The following DNAJC1 variants were observed in gnomAD, a reference collection of about 807,000 sequenced individuals.
DNAJC1 encodes DnaJ heat shock protein family (Hsp40) member C1.
In DNAJC1, 58 loss-of-function variants were observed where a neutral mutation model predicts 76.6. The ratio of observed to expected loss-of-function variants is 0.76; its 90% CI spans 0.61 to 0.94. DNAJC1 has a LOEUF of 0.94. Ranked by LOEUF, DNAJC1 falls within the 40% of genes least tolerant of loss-of-function variation. DNAJC1 has a pLI of 0.00. For synonymous variants in DNAJC1, 258 were observed against 267.9 expected (o/e 0.96, Z 0.36); for missense variants, 689 against 677.3 (o/e 1.02, Z -0.19).
intron 8 of DNAJC1, among the ~76,000 whole-genome samples, chr10:21,877,691 C>A (rs1229955334): frequency 6.6e-6 from 1 of 152,104 alleles, no homozygotes; most frequent in East Asian, 1.9e-4. Flanking sequence ...TATAGAGTAC[C>A]TGGAATATTC....
At chr10:21,810,707 G>C (rs1351071330) in intron 8 of DNAJC1, among the ~76,000 whole-genome samples, 1 of 152,138 alleles carries the variant, frequency 6.6e-6, no homozygotes, top group Non-Finnish European at 1.5e-5. Context: ...TAGAAAAGGG[G>C]TGATTATCCC....
chr10:21,811,188 C>A (rs576462235), intron 8 of DNAJC1, among the ~76,000 whole-genome samples: 17 of 152,188 alleles, frequency 1.1e-4, no homozygotes, highest in Middle Eastern at 3.2e-3. Flanking sequence ...ACACACAGAG[C>A]AAGGCCTTGG....
chr10:21,760,852 C>A (rs1260397307), intron 10 of DNAJC1, among the ~76,000 whole-genome samples: 1 of 152,152 alleles, frequency 6.6e-6, no homozygotes, highest in Non-Finnish European at 1.5e-5. Context: ...GAAATAATTA[C>A]AGATGTATAT....
At chr10:21,788,218 C>A (rs1834636597) in intron 9 of DNAJC1, among the ~76,000 whole-genome samples, 1 of 152,216 alleles carries the variant, frequency 6.6e-6, no homozygotes, top group African/African-American at 2.4e-5. Flanking sequence ...TCTGCCCCTA[C>A]AAGCCTGAGC....
chr10:21,946,184 G>A (rs1478465400), intron 1 of DNAJC1, among the ~76,000 whole-genome samples: 1 of 151,202 alleles, frequency 6.6e-6, no homozygotes, highest in East Asian at 2.0e-4. Flanking sequence ...GGGACTACAG[G>A]TGTGTGCCAC....
In DNAJC1 at chr10:21,774,768, C is replaced by T. The variant is rs566202136; in HGVS notation, c.1099-8459G>A. ...CTGGGATTACAGGCATGAGCCACCG[C>T]GCCCGGCCTAAACATATTAATATAT... is the stretch of plus-strand genomic sequence containing the variant. On this transcript the variant is annotated intron_variant, in intron 9 of 11. Coordinates refer to ENST00000376980, the MANE Select transcript of DNAJC1 (RefSeq NM_022365.4). Among the ~76,000 whole-genome samples the T allele has an allele frequency of 7.9e-5, 12 of 152,306 alleles. No homozygotes were observed. The South Asian group carries it at 1.0e-3, about 13-fold the overall frequency.
At chr10:21,872,757 A>C (rs1836124286) in intron 8 of DNAJC1, among the ~76,000 whole-genome samples, 1 of 152,212 alleles carries the variant, frequency 6.6e-6, no homozygotes, top group Non-Finnish European at 1.5e-5. Flanking sequence ...GAGAGCAGGT[A>C]AGAAATATTT....
chr10:21,908,049 T>C (rs1359452506), intron 6 of DNAJC1, among the ~76,000 whole-genome samples: 3 of 115,944 alleles, frequency 2.6e-5, no homozygotes, highest in African/African-American at 3.4e-5. Flanking sequence ...ATATAATATA[T>C]AAATATATAT....
intron 8 of DNAJC1, among the ~76,000 whole-genome samples, chr10:21,815,897 C>A (rs898594354): frequency 5.9e-5 from 9 of 151,774 alleles, no homozygotes; most frequent in East Asian, 2.0e-4. Flanking sequence ...AGGCCCGCCA[C>A]CACGTCTGGC....
intron 1 of DNAJC1, among the ~76,000 whole-genome samples, chr10:21,980,561 G>A (rs1218090199): frequency 3.3e-5 from 5 of 152,070 alleles, no homozygotes; most frequent in Non-Finnish European, 4.4e-5. Flanking sequence ...ACATAAATGA[G>A]ATAAAACAAC....
At chr10:21,895,165 A>C (rs1174852524) in intron 7 of DNAJC1, among the ~76,000 whole-genome samples, 1 of 152,238 alleles carries the variant, frequency 6.6e-6, no homozygotes, top group Non-Finnish European at 1.5e-5. Flanking sequence ...ATAGCTTTGA[A>C]GTGCATGCTA....
At chr10:21,838,826 C>A (rs1835519235) in intron 8 of DNAJC1, among the ~76,000 whole-genome samples, 2 of 152,126 alleles carry the variant, frequency 1.3e-5, no homozygotes, top group African/African-American at 2.4e-5. Context: ...CACACCTACT[C>A]CAAAACTGAC....
chr10:21,899,362 T>G (rs563357841), intron 7 of DNAJC1, among the ~76,000 whole-genome samples: 2 of 152,342 alleles, frequency 1.3e-5, no homozygotes, highest in South Asian at 2.1e-4. Flanking sequence ...GCCCCACTTC[T>G]ATGGCACCTC....
intron 8 of DNAJC1, among the ~76,000 whole-genome samples, chr10:21,808,241 G>C (rs1161802464): frequency 1.3e-5 from 2 of 152,012 alleles, no homozygotes; most frequent in African/African-American, 2.4e-5. Flanking sequence ...CATTGTTTCA[G>C]GTAGTAAACT....
intron 9 of DNAJC1, among the ~76,000 whole-genome samples, chr10:21,796,949 G>A (rs1386176744): frequency 6.6e-6 from 1 of 152,070 alleles, no homozygotes; most frequent in African/African-American, 2.4e-5. Context: ...TTTTTAGTTT[G>A]ATATAGTCCC....
intron 9 of DNAJC1, among the ~76,000 whole-genome samples, chr10:21,800,436 A>G (rs183302690): frequency 1.5e-4 from 23 of 152,316 alleles, no homozygotes; most frequent in Non-Finnish European, 2.4e-4. Flanking sequence ...CTCTAGTTCT[A>G]GGCACACAAG....
chr10:21,790,172 C>T (rs1834666356), intron 9 of DNAJC1, among the ~76,000 whole-genome samples: 1 of 149,118 alleles, frequency 6.7e-6, no homozygotes, highest in African/African-American at 2.5e-5. Context: ...AAAAAAAAAG[C>T]TTACAAGACT....
chr10:21,824,340 A>G (rs1003167852), intron 8 of DNAJC1, among the ~76,000 whole-genome samples: 2 of 152,220 alleles, frequency 1.3e-5, no homozygotes, highest in Non-Finnish European at 2.9e-5. Flanking sequence ...TTTGTTCTCA[A>G]TACTAAATGC....
intron 1 of DNAJC1, among the ~76,000 whole-genome samples, chr10:21,940,286 T>C (rs970533662): frequency 1.3e-4 from 20 of 152,212 alleles, no homozygotes; most frequent in African/African-American, 4.3e-4. Context: ...CTATGGCCAA[T>C]ATGTTACAAA....
Sources: allele counts gnomAD v4.1 joint callset (sites outside exome capture counted in the v4.1 genomes callset), GRCh38; gene constraint gnomAD v4.1.1; transcripts MANE v1.5; gene names NCBI Gene and HGNC (gene_info 2026-07-23, HGNC 2026-07-21).